The following CACNA1I variants were observed in gnomAD, a reference collection of about 807,000 sequenced individuals.
CACNA1I encodes the protein calcium voltage-gated channel subunit alpha1 I, also known as voltage-dependent T-type calcium channel subunit alpha-1I.
In CACNA1I, 74 loss-of-function variants were observed where a neutral mutation model predicts 201.6. That is an observed-to-expected ratio of 0.37 (90% CI 0.30 to 0.45). The LOEUF is 0.45. Ranked by LOEUF, CACNA1I falls within the 20% of genes least tolerant of loss-of-function variation. CACNA1I has a pLI of 1.00. For synonymous variants in CACNA1I, 1,431 were observed against 1,345.2 expected, an observed-to-expected ratio of 1.06 and a Z score of -1.40; for missense variants, 2,346 against 3,138.1, an observed-to-expected ratio of 0.75 and a Z score of 6.03.
chr22:39,646,439 C>T, intron 7 of CACNA1I, 130 bp from the exon 8 acceptor site: 2 of 1,375,690 alleles, frequency 1.5e-6, no homozygotes, highest in South Asian at 1.5e-5. Context: ...CCATCTCCAT[C>T]TCCCCATCTC....
intron 18 of CACNA1I, 143 bp downstream of exon 18, chr22:39,663,019 G>A (rs1935077137): frequency 4.7e-6 from 3 of 635,248 alleles, no homozygotes; most frequent in Non-Finnish European, 8.5e-6. Context: ...GGTCTCCAGG[G>A]GAGAGTGCAG....
chr22:39,681,720 T>C (rs1447781926), intron 34 of CACNA1I, among the ~76,000 whole-genome samples: 1 of 147,658 alleles, frequency 6.8e-6, no homozygotes, highest in Admixed American at 6.7e-5. Context: ...GGTCCTGCCC[T>C]GCTGGGGGTG....
intron 1 of CACNA1I, among the ~76,000 whole-genome samples, chr22:39,572,553 G>A (rs1932219698): frequency 6.6e-6 from 1 of 152,044 alleles, no homozygotes; most frequent in South Asian, 2.1e-4. Context: ...AGAACTGGGT[G>A]TTCCTTGCTG....
rs746760990 is a variant in CACNA1I at position 39,664,168 on chromosome 22, C to T, written c.3666+9C>T. The stretch of plus-strand genomic sequence containing the variant: ...GCGAGATGACATTGAAGGTAGCTCC[C>T]GGTTTCACCCGGGACCCCTGCTAGC... On this transcript the variant is annotated intron_variant, in intron 20 of 36. Coordinates refer to ENST00000402142, the MANE Select transcript of CACNA1I (RefSeq NM_021096.4). The T allele has an allele frequency of 2.1e-5, 34 of 1,609,774 alleles. No homozygotes were observed. In the Middle Eastern group the frequency reaches 4.9e-4, roughly 23 times the overall value.
At chr22:39,587,619 A>C (rs1234524145) in intron 1 of CACNA1I, 3 of 358,060 alleles carry the variant, frequency 8.4e-6, no homozygotes, top group African/African-American at 6.6e-5. Context: ...ATGAGGTTCA[A>C]ATCCTGGCTC....
In CACNA1I at chr22:39,686,330, C is replaced by T. The variant is rs1935876895; in HGVS notation, c.6597C>T (p.Gly2199=). The T allele has an allele frequency of 4.6e-6, 6 of 1,309,802 alleles. No homozygotes were observed. The allele number at this position is 1,309,802 out of a possible 1,614,324, so 81.1% of individuals were successfully genotyped here. ...GGGCACCGCTGCCCATGGGCCTGGG[C>T]CCCTTGGCGCCCCCGCCGCAACCGC... ...PGRAPLPMGL[G]PLAPPPQPLP... The change falls in exon 37 of 37, where the codon GGC becomes GGT. Residue 2199 remains glycine, a synonymous_variant. Coordinates refer to ENST00000402142, the MANE Select transcript of CACNA1I (RefSeq NM_021096.4).
rs760675621 is a variant in CACNA1I at position 39,649,730 on chromosome 22, C to T, written c.1797C>T (p.Asp599=). 16 of 1,555,770 alleles carry T rather than the reference C, an allele frequency of 1.0e-5. No individual in the cohort carries two copies. Among genetic ancestry groups the T allele is most frequent in the African/African-American group, 9.5e-5 (7 of 73,584 alleles). ...ADGDGARSSE[D]GASSELGKEE... ...GGGACGGGGCCCGGAGCAGCGAGGA[C>T]GGAGCCTCCTCAGAACTGGGGAAGG... Residue 599 remains aspartate (D), a synonymous_variant, in exon 10 of 37, where the codon GAC becomes GAT. Transcript: ENST00000402142. The surrounding 1 kb of genome is among the most constrained non-coding windows in gnomAD (Gnocchi z 7.3).
intron 4 of CACNA1I, among the ~76,000 whole-genome samples, chr22:39,623,980 G>GCA (rs1933828472): frequency 1.3e-5 from 2 of 149,908 alleles, no homozygotes; most frequent in African/African-American, 4.9e-5. Flanking sequence ...TGTGTCAAGG[G>GCA]TGTGTGTGCG....
chr22:39,570,853 C>G lies in CACNA1I; in HGVS notation c.101C>G (p.Ser34Cys). 1 of 1,613,606 alleles carries G rather than the reference C, an allele frequency of 6.2e-7. No homozygotes were observed. The highest frequency in any genetic ancestry group is 8.5e-7 in the Non-Finnish European group (1 of 1,179,768). The change falls in exon 1 of 37, where the codon TCC (serine) becomes TGC (cysteine). Residue 34 changes from serine (S) to cysteine (C), a missense_variant. Ser to Cys is a moderately radical substitution (Grantham distance 112). Transcript: ENST00000402142. ...EQPGPRSPPS[S>C]PPGLEEPLDG... is the part of the protein sequence containing the mutation. Reference sequence around the variant, plus strand: ...CCCGGACCCCGGAGCCCCCCATCCTCCCCGCCAGGCCTGGAGGAGCCTCTG... The same window carrying G: ...CCCGGACCCCGGAGCCCCCCATCCTGCCCGCCAGGCCTGGAGGAGCCTCTG...
chr22:39,579,146 C>T (rs1932464560), intron 1 of CACNA1I, among the ~76,000 whole-genome samples: 2 of 152,252 alleles, frequency 1.3e-5, no homozygotes, highest in Non-Finnish European at 2.9e-5. Context: ...GTCTCCAATG[C>T]CCAGCACAGG....
At chr22:39,587,530 G>A (rs1387726011) in intron 1 of CACNA1I, among the ~76,000 whole-genome samples, 4 of 152,098 alleles carry the variant, frequency 2.6e-5, no homozygotes, top group Admixed American at 2.6e-4. Context: ...GTGTAATAAT[G>A]TCTGCCATGC....
chr22:39,681,125 C>T (rs1437848409), intron 34 of CACNA1I, 73 bp downstream of exon 34: 5 of 1,485,054 alleles, frequency 3.4e-6, no homozygotes, highest in South Asian at 2.6e-5. Context: ...CCAGGCAGGA[C>T]CCCCCTGTCT....
chr22:39,684,262 G>T lies in CACNA1I; in HGVS notation c.5831-40G>T. The T allele has an allele frequency of 6.3e-7, 1 of 1,594,498 alleles. No individual in the cohort carries two copies. The highest frequency in any genetic ancestry group is 8.6e-7 in the Non-Finnish European group (1 of 1,166,050). On this transcript the variant is annotated intron_variant, in intron 35 of 36. Transcript: ENST00000402142. This position sits in a 1 kb window ranked among gnomAD's most constrained non-coding sequence, Gnocchi z 4.6. Reference sequence around the variant, plus strand: ...CCTTCCAGGGGCTGCCCCCTGGCCTGAGCGTGCTCCCTCAGCTCTGTCTTC... The same window carrying T: ...CCTTCCAGGGGCTGCCCCCTGGCCTTAGCGTGCTCCCTCAGCTCTGTCTTC...
chr22:39,681,847 AT>A (rs890282302), intron 34 of CACNA1I, among the ~76,000 whole-genome samples: 1 of 151,994 alleles, frequency 6.6e-6, no homozygotes, highest in African/African-American at 2.4e-5. Flanking sequence ...CTTCCATGTC[AT>A]TTTGGTCCCC....
intron 1 of CACNA1I, among the ~76,000 whole-genome samples, chr22:39,588,200 A>C (rs1932780039): frequency 7.8e-6 from 1 of 127,614 alleles, no homozygotes; most frequent in African/African-American, 3.1e-5. Context: ...TGGCACCGTC[A>C]TAACTCACTG....
chr22:39,624,966 T>C (rs961363631), intron 4 of CACNA1I, among the ~76,000 whole-genome samples: 7 of 142,108 alleles, frequency 4.9e-5, no homozygotes, highest in African/African-American at 7.9e-5. Context: ...TGGAGTGCAG[T>C]GGCATGATCT....
chr22:39,684,673 G>A lies in CACNA1I; in HGVS notation c.6027+175G>A, dbSNP rs1935805228. 1 of 681,568 alleles carries A rather than the reference G, an allele frequency of 1.5e-6. No individual in the cohort carries two copies. The highest frequency in any genetic ancestry group is 2.5e-6 in the Non-Finnish European group (1 of 399,448). 42.2% of individuals were successfully genotyped at this position (681,568 alleles called of 1,614,324 possible). Reference sequence around the variant, plus strand: ...GACGCTGAGACTGGAGGGGGAGGTGGCACTGGGGCGGATGGAGTGGGCGGG... The same window carrying A: ...GACGCTGAGACTGGAGGGGGAGGTGACACTGGGGCGGATGGAGTGGGCGGG... On this transcript the variant is annotated intron_variant, in intron 36 of 36. Transcript: ENST00000402142. The surrounding 1 kb of genome is among the most constrained non-coding windows in gnomAD (Gnocchi z 4.6).
intron 15 of CACNA1I, 31 bp downstream of exon 15, chr22:39,660,468 G>C (rs776654018): frequency 6.5e-7 from 1 of 1,526,942 alleles, no homozygotes; most frequent in South Asian, 1.2e-5. Context: ...CACCTAGAGA[G>C]CCCAGAGCCT....
At chr22:39,637,388 G>T (rs1934247861) in intron 5 of CACNA1I, among the ~76,000 whole-genome samples, 1 of 152,178 alleles carries the variant, frequency 6.6e-6, no homozygotes, top group Admixed American at 6.5e-5. Flanking sequence ...CAGATGGGGG[G>T]ACAGGGAGTA....
Sources: allele counts gnomAD v4.1 joint callset (sites outside exome capture counted in the v4.1 genomes callset), GRCh38; gene constraint gnomAD v4.1.1; non-coding constraint Gnocchi (gnomAD v3.1); transcripts MANE v1.5; gene names NCBI Gene and HGNC (gene_info 2026-07-23, HGNC 2026-07-21).